VPS13C: variants seen among roughly 807,000 people sequenced by gnomAD.
The protein encoded by VPS13C is intermembrane lipid transfer protein VPS13C.
VPS13C carries 358 observed loss-of-function variants against 456.8 expected under a neutral mutation model. The ratio of observed to expected loss-of-function variants is 0.78; its 90% confidence interval spans 0.72 to 0.86. The LOEUF is 0.86. Among genes scored for constraint, VPS13C ranks in the 40% least tolerant of loss-of-function variants. VPS13C has a pLI of 0.00. For missense variants in VPS13C, 4,818 were observed against 4,385.4 expected, an observed-to-expected ratio of 1.10 and a Z score of -2.79; for synonymous variants, 1,578 against 1,486.7, an observed-to-expected ratio of 1.06 and a Z score of -1.41.
Position 61,854,862 on chromosome 15 carries a change from A to T in VPS13C, c.11160+9T>A. ...AAAAAAATTGAGGCATGCTCTTTAAATTGTTTACCTCTGCTGTGGCGGTGT... is the reference window on the plus strand; with the variant it reads ...AAAAAAATTGAGGCATGCTCTTTAATTTGTTTACCTCTGCTGTGGCGGTGT... On this transcript the variant is annotated intron_variant, in intron 84 of 84. Transcript: ENST00000644861. The T allele has an allele frequency of 6.3e-7, 1 of 1,597,440 alleles. No homozygotes were observed. The highest frequency in any genetic ancestry group is 8.5e-7 in the Non-Finnish European group (1 of 1,175,868).
chr15:62,043,289 C>T (rs2048299248), intron 2 of VPS13C, among the ~76,000 whole-genome samples: 1 of 152,154 alleles, frequency 6.6e-6, no homozygotes, highest in South Asian at 2.1e-4. Flanking sequence ...GATGATTAAA[C>T]TCATGCTAAA....
intron 9 of VPS13C, among the ~76,000 whole-genome samples, chr15:62,019,963 C>CATATATATATATGTATGTGTGT (rs1567118002): frequency 6.7e-6 from 1 of 149,062 alleles, no homozygotes; most frequent in East Asian, 2.0e-4. Flanking sequence ...TATATATATA[C>CATATATATATATGTATGTGTGT]ATATATATAT....
rs1366638750 is a variant in VPS13C at position 62,004,870 on chromosome 15, C to A, written c.1290+2438G>T. 9.2e-5 allele frequency among the ~76,000 whole-genome samples: 14 copies of A among 152,198 alleles called. No homozygotes were observed. The East Asian group carries it at 9.6e-4, about 10-fold the overall frequency. ...TAATACTGAGTTCTAGTTTGATTGCCCTGTGATCTGAGAGATAGTTTGCTA... is the reference window on the plus strand; with the variant it reads ...TAATACTGAGTTCTAGTTTGATTGCACTGTGATCTGAGAGATAGTTTGCTA... On this transcript the variant is annotated intron_variant, in intron 15 of 84. Transcript: ENST00000644861.
At position 61,949,518 on chromosome 15, in the gene VPS13C, C is replaced by A. The variant is rs1290941880; in HGVS notation, c.4684G>T (p.Glu1562Ter). ...GATTCCTTCTCAGAAGAGGAAGGCT[C>A]AGAGAATGGAGCAGCAGATGATAAA... is the stretch of plus-strand genomic sequence containing the variant. ...DFLSSAAPFS[E>*]PSSSEKESEL... is the part of the protein sequence containing the mutation. The change falls in exon 42 of 85, where the codon GAG (glutamate) becomes TAG (stop). Residue 1562 changes from glutamate to a stop codon, truncating the protein, a stop_gained. Coordinates refer to ENST00000644861, the MANE Select transcript of VPS13C (RefSeq NM_020821.3). LOFTEE classifies it high-confidence loss of function. 6.2e-7 allele frequency: 1 copy of A among 1,613,756 alleles called. No homozygotes were observed. Among genetic ancestry groups the A allele is most frequent in the Non-Finnish European group, 8.5e-7 (1 of 1,179,908 alleles).
intron 81 of VPS13C, chr15:61,864,924 A>G: frequency 3.1e-6 from 3 of 978,138 alleles, no homozygotes; most frequent in Non-Finnish European, 3.6e-6. Flanking sequence ...CAAGTACAAG[A>G]AATACTACCC....
At chr15:61,932,225 TAACAG>T (rs2044083547) in intron 49 of VPS13C, among the ~76,000 whole-genome samples, 1 of 152,028 alleles carries the variant, frequency 6.6e-6, no homozygotes, top group Non-Finnish European at 1.5e-5. Context: ...GGTGAGAACT[TAACAG>T]AACCTCAGAG....
chr15:62,050,963 T>C (rs1259812640), intron 1 of VPS13C, among the ~76,000 whole-genome samples: 2 of 149,468 alleles, frequency 1.3e-5, no homozygotes, highest in African/African-American at 2.4e-5. Context: ...TAGTTGCTAG[T>C]TATAGAAAAC....
chr15:61,946,380 T>C lies in VPS13C; in HGVS notation c.4907A>G (p.Lys1636Arg). The change falls in exon 44 of 85, where the codon AAG (lysine) becomes AGG (arginine). Residue 1636 changes from lysine (K) to arginine (R), a missense_variant. Physicochemically the swap from Lys to Arg is conservative, Grantham distance 26. Coordinates refer to ENST00000644861, the MANE Select transcript of VPS13C (RefSeq NM_020821.3). ...GMDASISVKP[K>R]QTDVFARLKD... Reference sequence around the variant, plus strand: ...AAGTCTGGCAAACACATCAGTCTGCTTAGGCTTCACAGAAATAGAGGCATC... The same window carrying C: ...AAGTCTGGCAAACACATCAGTCTGCCTAGGCTTCACAGAAATAGAGGCATC... 1 of 1,607,632 alleles carries C rather than the reference T, an allele frequency of 6.2e-7. No individual in the cohort carries two copies. Among genetic ancestry groups the C allele is most frequent in the Non-Finnish European group, 8.5e-7 (1 of 1,177,318 alleles).
chr15:61,988,031 A>G (rs576149483), intron 18 of VPS13C, among the ~76,000 whole-genome samples: 1 of 152,336 alleles, frequency 6.6e-6, no homozygotes, highest in Admixed American at 6.5e-5. Context: ...TCATACAATG[A>G]AATACTATTC....
chr15:62,037,290 A>G (rs1251488830), intron 3 of VPS13C, among the ~76,000 whole-genome samples: 6 of 72,730 alleles, frequency 8.2e-5, no homozygotes, highest in Non-Finnish European at 1.4e-4. Flanking sequence ...TATATATATT[A>G]TATTATATAA....
intron 83 of VPS13C, 73 bp downstream of exon 83, chr15:61,856,213 T>G (rs1256010546): frequency 6.4e-7 from 1 of 1,551,806 alleles, no homozygotes; most frequent in Non-Finnish European, 8.8e-7. Flanking sequence ...CTTCAAATAT[T>G]TTGTGTAGTT....
At chr15:62,020,329 T>C (rs1030717958) in intron 9 of VPS13C, 150 bp downstream of exon 9, 3 of 533,138 alleles carry the variant, frequency 5.6e-6, no homozygotes, top group Non-Finnish European at 6.0e-6. Context: ...TCACTAAAAA[T>C]GTTAAACTTC....
chr15:62,011,476 G>A (rs958150233), intron 12 of VPS13C, among the ~76,000 whole-genome samples: 9 of 151,918 alleles, frequency 5.9e-5, no homozygotes, highest in South Asian at 4.2e-4. Flanking sequence ...AAAAGAACAC[G>A]AAGAAAACAA....
intron 53 of VPS13C, 56 bp downstream of exon 53, chr15:61,925,400 G>A: frequency 9.6e-7 from 1 of 1,038,004 alleles, no homozygotes; most frequent in Non-Finnish European, 1.3e-6. Context: ...CTGCAAATAT[G>A]CAATGTCGTG....
chr15:62,050,268 C>A (rs904352555), intron 1 of VPS13C, among the ~76,000 whole-genome samples: 21 of 152,164 alleles, frequency 1.4e-4, no homozygotes, highest in Non-Finnish European at 2.5e-4. Context: ...TCTAATCCTA[C>A]CAAGTCTAAA....
chr15:62,037,287 ATTATATT>A lies in VPS13C; in HGVS notation c.188-2242_188-2236del. 3.9e-5 allele frequency among the ~76,000 whole-genome samples: 2 copies of A among 51,316 alleles called. 1 individual carries two copies. Among genetic ancestry groups the A allele is most frequent in the South Asian group, 1.0e-3 (2 of 2,000 alleles). 33.7% of individuals were successfully genotyped at this position (51,316 alleles called of 152,430 possible). A position where few individuals can be genotyped will look rare whatever the true frequency, so the allele number is the denominator to read the frequency against. On this transcript the variant is annotated intron_variant, in intron 3 of 84. Transcript: ENST00000644861. ...TTATATTATATAATATATTATATAT[ATTATATT>A]ATATAATATATATATAAATATATTA...
rs1894035281 is a variant in VPS13C, at chr15:61,858,326, CTATCTAT to C, written c.10953-1924_10953-1918del. Among the ~76,000 whole-genome samples the C allele has an allele frequency of 1.6e-5, 1 of 64,208 alleles. No individual in the cohort carries two copies. The highest frequency in any genetic ancestry group is 5.3e-4 in the South Asian group (1 of 1,880). 42.1% of individuals were successfully genotyped at this position (64,208 alleles called of 152,430 possible). ...TTTTATCCAAACTCCAACTATCTAT[CTATCTAT>C]CTATCTATCTATCTATCTATCTATC... is the stretch of plus-strand genomic sequence containing the variant. On this transcript the variant is annotated intron_variant, in intron 82 of 84. Transcript: ENST00000644861. The surrounding 1 kb of genome is among the most constrained non-coding windows in gnomAD (Gnocchi z 4.4).
intron 9 of VPS13C, among the ~76,000 whole-genome samples, chr15:62,015,537 CAAT>C (rs1297366896): frequency 6.7e-6 from 1 of 149,242 alleles, no homozygotes; most frequent in Non-Finnish European, 1.5e-5. Flanking sequence ...AAATGTCCAA[CAAT>C]GATAGACTGG....
At chr15:62,005,499 A>T (rs1019591892) in intron 15 of VPS13C, among the ~76,000 whole-genome samples, 3 of 151,606 alleles carry the variant, frequency 2.0e-5, no homozygotes, top group African/African-American at 7.3e-5. Flanking sequence ...TTTTAATTGG[A>T]GCATTTAGTC....
Sources: gnomAD v4.1 joint callset for allele counts (sites outside exome capture counted in the v4.1 genomes callset) on GRCh38, gnomAD v4.1.1 for gene constraint, Gnocchi (gnomAD v3.1) non-coding constraint, MANE v1.5 for transcripts, NCBI Gene and HGNC (gene_info 2026-07-23, HGNC 2026-07-21) for gene names.